RSRP1: variants seen among roughly 807,000 people sequenced by gnomAD.
RSRP1 encodes the protein arginine/serine-rich protein 1.
Under a neutral mutation model 33.0 loss-of-function variants are expected in RSRP1, and 37 were observed. That is an observed-to-expected ratio of 1.12 (90% CI 0.86 to 1.48). The LOEUF is 1.48. Ranked by LOEUF, RSRP1 falls within the 40% of genes most tolerant of loss-of-function variation. RSRP1 has a pLI of 0.00. For missense variants in RSRP1, 402 were observed against 385.3 expected (o/e 1.04, Z -0.36); for synonymous variants, 167 against 158.7 (o/e 1.05, Z -0.40).
intron 1 of RSRP1, among the ~76,000 whole-genome samples, chr1:25,288,887 G>A (rs1642261850): frequency 1.5e-5 from 2 of 131,658 alleles, no homozygotes; most frequent in African/African-American, 5.2e-5. Context: ...GTCCAGGCAC[G>A]ATGGAACATT....
Position 25,300,171 on chromosome 1 carries a change from C to T in RSRP1, c.-67+37807G>A, listed in dbSNP as rs1437165289. Reference sequence around the variant, plus strand: ...CTGAGAAGTAGGAATCAGTGAGGTGCGTGTCCATGTGGGTTTTTGCCACAC... The same window carrying T: ...CTGAGAAGTAGGAATCAGTGAGGTGTGTGTCCATGTGGGTTTTTGCCACAC... On this transcript the variant is annotated intron_variant, in intron 1 of 1. Coordinates refer to the RSRP1 transcript ENST00000561867. Among the ~76,000 whole-genome samples, 5 of 131,288 alleles carry T rather than the reference C, an allele frequency of 3.8e-5. 1 individual carries two copies. Among genetic ancestry groups the T allele is most frequent in the East Asian group, 2.0e-4 (1 of 5,122 alleles). 86.1% of individuals were successfully genotyped at this position (131,288 alleles called of 152,430 possible). A position where few individuals can be genotyped will look rare whatever the true frequency, so the allele number is the denominator to read the frequency against.
intron 1 of RSRP1, among the ~76,000 whole-genome samples, chr1:25,285,542 A>C (rs28591112): frequency 0.014 from 1,892 of 134,978 alleles, 242 homozygotes; most frequent in African/African-American, 0.046. Context: ...GTTTACATGC[A>C]TTTGTGTGAA....
In RSRP1 at chr1:25,290,832, G is replaced by A. The variant is rs112219637; in HGVS notation, c.-66-43803C>T. 2,894 of 1,367,182 alleles carry A rather than the reference G, an allele frequency of 2.1e-3. 339 individuals carry two copies. The African/African-American group carries it at 0.038, about 18-fold the overall frequency. The allele number at this position is 1,367,182 out of a possible 1,614,324, so 84.7% of individuals were successfully genotyped here. A position where few individuals can be genotyped will look rare whatever the true frequency, so the allele number is the denominator to read the frequency against. ...GGGAGGAGGGACCTGGGAGAAAAGG[G>A]CCAAAAGCTCCATTTGGTGGGGTTT... On this transcript the variant is annotated intron_variant, in intron 1 of 1. Transcript: ENST00000561867.
At chr1:25,249,412 C>G (rs150940093), upstream of RSRP1, among the ~76,000 whole-genome samples, 184 of 152,216 alleles carry the variant, frequency 1.2e-3, no homozygotes, top group African/African-American at 4.3e-3. Context: ...ATCTTGGGCT[C>G]ACTGCAACCT....
chr1:25,282,097 A>G lies in RSRP1; in HGVS notation c.-66-35068T>C, dbSNP rs763879970. ...GCGTTCTCCATGTGCCAGTCACTGT[A>G]CTAAACATTATTTCCTTTGGATTTC... On this transcript the variant is annotated intron_variant, in intron 1 of 1. Coordinates refer to the RSRP1 transcript ENST00000561867. Among the ~76,000 whole-genome samples the G allele has an allele frequency of 3.9e-4, 51 of 132,084 alleles. 13 individuals are homozygous for G. Among genetic ancestry groups the G allele is most frequent in the Admixed American group, 1.6e-3 (22 of 13,552 alleles). The allele number at this position is 132,084 out of a possible 152,430, so 86.7% of individuals were successfully genotyped here.
At chr1:25,301,138 G>C in intron 1 of RSRP1, 1 of 1,351,862 alleles carries the variant, frequency 7.4e-7, no homozygotes, top group Non-Finnish European at 1.0e-6. Flanking sequence ...GGGCTGAGCA[G>C]AATGGCTCAG....
At chr1:25,322,338 C>G (rs1204764931) in intron 1 of RSRP1, among the ~76,000 whole-genome samples, 2 of 132,574 alleles carry the variant, frequency 1.5e-5, no homozygotes, top group Admixed American at 7.3e-5. Flanking sequence ...AGTCCAACCC[C>G]TTTTTTGACA....
chr1:25,305,686 C>T lies in RSRP1; in HGVS notation c.-67+32292G>A, dbSNP rs1196130276. On this transcript the variant is annotated intron_variant, in intron 1 of 1. Transcript: ENST00000561867. The stretch of plus-strand genomic sequence containing the variant: ...CGCCATCTCAGCTTACTGCAAGCTC[C>T]GCCTCCCGGGTTCACACCATTCTCC... Among the ~76,000 whole-genome samples, 9 of 129,636 alleles carry T rather than the reference C, an allele frequency of 6.9e-5. 1 individual carries two copies. The highest frequency in any genetic ancestry group is 3.0e-4 in the Admixed American group (4 of 13,200). The allele number at this position is 129,636 out of a possible 152,430, so 85.0% of individuals were successfully genotyped here. A position where few individuals can be genotyped will look rare whatever the true frequency, so the allele number is the denominator to read the frequency against.
chr1:25,263,273 T>A (rs1640215980), intron 1 of RSRP1, among the ~76,000 whole-genome samples: 1 of 151,928 alleles, frequency 6.6e-6, no homozygotes, highest in East Asian at 1.9e-4. Flanking sequence ...AGCTAGAGCA[T>A]GAAGATCTCG....
intron 1 of RSRP1, among the ~76,000 whole-genome samples, chr1:25,255,810 G>T (rs1639928778): frequency 6.6e-6 from 1 of 152,170 alleles, no homozygotes; most frequent in Non-Finnish European, 1.5e-5. Context: ...TTCCTCGCAT[G>T]CACAGAGTTC....
chr1:25,331,045 G>GCAA (rs1644996053), intron 1 of RSRP1, among the ~76,000 whole-genome samples: 1 of 102,982 alleles, frequency 9.7e-6, no homozygotes, highest in African/African-American at 3.3e-5. Flanking sequence ...TCGGCTCACT[G>GCAA]CAACCTCTGC....
chr1:25,306,841 G>A (rs1643878355), intron 1 of RSRP1: 1 of 1,009,528 alleles, frequency 9.9e-7, no homozygotes, highest in Non-Finnish European at 1.5e-6. Flanking sequence ...GTGCTCAGTA[G>A]GCTTCGGTGA....
intron 1 of RSRP1, chr1:25,301,412 G>C: frequency 9.5e-7 from 1 of 1,056,668 alleles, no homozygotes. Flanking sequence ...AACTCTAAGT[G>C]ACAAGGCTGA....
At chr1:25,270,010 G>C (rs1640444854) in intron 1 of RSRP1, among the ~76,000 whole-genome samples, 1 of 132,392 alleles carries the variant, frequency 7.6e-6, no homozygotes, top group African/African-American at 2.6e-5. Flanking sequence ...CGGGCAGGTA[G>C]GTGCAGTTGG....
chr1:25,286,231 G>A (rs1244587294), intron 1 of RSRP1, among the ~76,000 whole-genome samples: 36 of 135,532 alleles, frequency 2.7e-4, no homozygotes, highest in Non-Finnish European at 5.8e-4. Flanking sequence ...GTTCACACCT[G>A]TAATCCCAGT....
At chr1:25,256,691 C>A (rs1397266442) in intron 1 of RSRP1, among the ~76,000 whole-genome samples, 1 of 152,120 alleles carries the variant, frequency 6.6e-6, no homozygotes, top group Non-Finnish European at 1.5e-5. Flanking sequence ...TCTTGAACTC[C>A]TGGGCTCAAA....
intron 1 of RSRP1, chr1:25,300,885 T>C: frequency 7.4e-7 from 1 of 1,360,068 alleles, no homozygotes; most frequent in South Asian, 1.2e-5. Context: ...CCAAGGACTA[T>C]CAGGGCTTGC....
At chr1:25,257,268 T>G (rs1217417736) in intron 1 of RSRP1, among the ~76,000 whole-genome samples, 1 of 152,200 alleles carries the variant, frequency 6.6e-6, no homozygotes, top group East Asian at 1.9e-4. Context: ...AATTAAATAA[T>G]TAAGGTTTTA....
At chr1:25,334,130 A>G (rs60224697) in intron 1 of RSRP1, among the ~76,000 whole-genome samples, 74,611 of 130,322 alleles carry the variant, frequency 0.57, 30,427 homozygotes, top group South Asian at 0.86. Context: ...AGTCCTTTCC[A>G]TCTATGAGCC....
Sources: allele counts gnomAD v4.1 joint callset (sites outside exome capture counted in the v4.1 genomes callset), GRCh38; gene constraint gnomAD v4.1.1; transcripts MANE v1.5; gene names NCBI Gene and HGNC (gene_info 2026-07-23, HGNC 2026-07-21).